The following GALNT13 variants were observed in gnomAD, a reference collection of about 807,000 sequenced individuals.
GALNT13 encodes UDP-GalNAc:polypeptide N-acetylgalactosaminyltransferase 13.
In GALNT13, 28 loss-of-function variants were observed where a neutral mutation model predicts 64.2. The ratio of observed to expected loss-of-function variants is 0.44; its 90% confidence interval spans 0.32 to 0.60. The LOEUF is 0.60. Ranked by LOEUF, GALNT13 falls within the 20% of genes least tolerant of loss-of-function variation. GALNT13 has a pLI of 0.05. For synonymous variants in GALNT13, 214 were observed against 224.6 expected (o/e 0.95, Z 0.42); for missense variants, 577 against 669.8 (o/e 0.86, Z 1.53).
At chr2:153,394,805 A>C in the GALNT13 span, among the ~76,000 whole-genome samples, 1 of 152,308 alleles carries the variant, frequency 6.6e-6, no homozygotes, top group Admixed American at 6.5e-5. Flanking sequence ...TTGGAAGCTT[A>C]GAGAAAACAA....
the GALNT13 span, among the ~76,000 whole-genome samples, chr2:153,558,946 T>C: frequency 6.6e-6 from 1 of 152,208 alleles, no homozygotes; most frequent in African/African-American, 2.4e-5. Flanking sequence ...GATATGGCAG[T>C]TCTTCTGGAA....
At chr2:153,605,671 CA>C in the GALNT13 span, among the ~76,000 whole-genome samples, 1 of 151,994 alleles carries the variant, frequency 6.6e-6, no homozygotes, top group African/African-American at 2.4e-5. Context: ...AAATGGTTAT[CA>C]GTTCTTGGTC....
chr2:153,563,238 G>A, the GALNT13 span, among the ~76,000 whole-genome samples: 1 of 151,762 alleles, frequency 6.6e-6, no homozygotes, highest in Non-Finnish European at 1.5e-5. Context: ...CCTTAGTTCT[G>A]AAAGTTCTAT....
At chr2:153,354,143 G>A in the GALNT13 span, 1 of 152,216 alleles carries the variant, frequency 6.6e-6, no homozygotes, top group Non-Finnish European at 1.5e-5. Context: ...TGTCTGTCAA[G>A]AAATTGATTC....
At chr2:154,216,361 A>G (rs996434965) in intron 4 of GALNT13, among the ~76,000 whole-genome samples, 3 of 152,250 alleles carry the variant, frequency 2.0e-5, no homozygotes, top group Admixed American at 6.5e-5. Context: ...ACATGTTTCT[A>G]TATACATCAT....
intron 3 of GALNT13, among the ~76,000 whole-genome samples, chr2:154,084,623 A>G (rs1701436714): frequency 6.6e-6 from 1 of 151,950 alleles, no homozygotes; most frequent in Non-Finnish European, 1.5e-5. Flanking sequence ...TCTATCTTTC[A>G]TGCCAACTAT....
chr2:153,421,043 G>T, the GALNT13 span: 1 of 189,900 alleles, frequency 5.3e-6, no homozygotes, highest in South Asian at 9.1e-5. Flanking sequence ...TGACATATTT[G>T]GGAACCACAT....
At chr2:154,067,812 G>A (rs528523322) in intron 3 of GALNT13, among the ~76,000 whole-genome samples, 22 of 152,152 alleles carry the variant, frequency 1.4e-4, no homozygotes, top group Admixed American at 2.6e-4. Flanking sequence ...TCTGAGCTAA[G>A]ATTTCTTGAG....
At chr2:153,650,548 T>C in the GALNT13 span, among the ~76,000 whole-genome samples, 45 of 152,340 alleles carry the variant, frequency 3.0e-4, no homozygotes, top group Non-Finnish European at 1.9e-4. Context: ...TGATGCAGTT[T>C]CTTCCTAGCA....
At chr2:153,905,853 G>T (rs1057217952) in intron 2 of GALNT13, among the ~76,000 whole-genome samples, 1 of 151,920 alleles carries the variant, frequency 6.6e-6, no homozygotes, top group Non-Finnish European at 1.5e-5. Flanking sequence ...ATATAACGGT[G>T]ACTTGAATAC....
the GALNT13 span, among the ~76,000 whole-genome samples, chr2:153,678,251 C>T: frequency 1.4e-4 from 21 of 151,478 alleles, no homozygotes; most frequent in African/African-American, 4.1e-4. Flanking sequence ...CAGCACTATT[C>T]ACAATAGCAA....
rs1016301042 is a variant in GALNT13 at position 154,287,168 on chromosome 2, C to A, written c.976-14241C>A. The A allele has an allele frequency of 4.7e-6, 7 of 1,478,108 alleles. No homozygotes were observed. The Admixed American group carries it at 1.2e-4, about 25-fold the overall frequency. The allele number at this position is 1,478,108 out of a possible 1,614,324, so 91.6% of individuals were successfully genotyped here. A position where few individuals can be genotyped will look rare whatever the true frequency, so the allele number is the denominator to read the frequency against. ...GTTCACAGAAGCGGTGGAAGCCAAA[C>A]AATTGGCTCAGCAGGAAGCAGAGAG... On this transcript the variant is annotated intron_variant, in intron 8 of 12. Transcript: ENST00000392825.
At chr2:153,172,129 T>C in the GALNT13 span, 2 of 152,154 alleles carry the variant, frequency 1.3e-5, no homozygotes, top group South Asian at 4.1e-4. Flanking sequence ...CAAAGACATA[T>C]GGATGGGAAT....
At chr2:154,169,742 A>T (rs1323014889) in intron 4 of GALNT13, among the ~76,000 whole-genome samples, 3 of 152,170 alleles carry the variant, frequency 2.0e-5, no homozygotes, top group Non-Finnish European at 4.4e-5. Context: ...AAGTTTGGTA[A>T]TAAGTTACTT....
At chr2:153,400,092 A>G in the GALNT13 span, among the ~76,000 whole-genome samples, 3 of 151,984 alleles carry the variant, frequency 2.0e-5, no homozygotes, top group South Asian at 2.1e-4. Context: ...ATTTTGAAAT[A>G]CGTCCCATCA....
the GALNT13 span, among the ~76,000 whole-genome samples, chr2:153,554,820 T>C: frequency 2.6e-5 from 4 of 152,322 alleles, no homozygotes; most frequent in East Asian, 7.7e-4. Flanking sequence ...CCTCCTAATA[T>C]ACTCACATAC....
intron 3 of GALNT13, among the ~76,000 whole-genome samples, chr2:154,107,137 A>G (rs957529062): frequency 6.6e-6 from 1 of 152,280 alleles, no homozygotes; most frequent in Admixed American, 6.5e-5. Flanking sequence ...AGGCATCACC[A>G]TAAGCTGAGC....
chr2:153,198,874 C>T, the GALNT13 span, among the ~76,000 whole-genome samples: 5 of 152,200 alleles, frequency 3.3e-5, no homozygotes, highest in East Asian at 1.9e-4. Flanking sequence ...TAAGCAAGCA[C>T]GGTCTCTGTC....
chr2:153,721,888 T>G, the GALNT13 span, among the ~76,000 whole-genome samples: 675 of 147,838 alleles, frequency 4.6e-3, 6 homozygotes, highest in African/African-American at 0.01. Flanking sequence ...GTCAACATTA[T>G]ACAGATCAAC....
Sources: gnomAD v4.1 joint callset for allele counts (sites outside exome capture counted in the v4.1 genomes callset) on GRCh38, gnomAD v4.1.1 for gene constraint, MANE v1.5 for transcripts, NCBI Gene and HGNC (gene_info 2026-07-23, HGNC 2026-07-21) for gene names.